The following ACTMAP variants were observed in gnomAD, a reference collection of about 807,000 sequenced individuals.
ACTMAP encodes UPF0692 protein C19orf54.
the ACTMAP span, chr19:40,749,570 G>A: frequency 1.3e-6 from 2 of 1,551,352 alleles, no homozygotes; most frequent in South Asian, 2.4e-5. Flanking sequence ...TCAGGAGCTG[G>A]CTCTTCTCCA....
chr19:40,744,506 C>G, the ACTMAP span: 1 of 1,603,368 alleles, frequency 6.2e-7, no homozygotes, highest in East Asian at 2.2e-5. Context: ...CACCCAGCCT[C>G]TCTGGTCCCA....
the ACTMAP span, chr19:40,742,753 G>A: frequency 2.1e-5 from 34 of 1,608,490 alleles, no homozygotes; most frequent in South Asian, 3.3e-4. Flanking sequence ...GGCACAGCCC[G>A]AACACCCAGC....
At chr19:40,744,124 C>T in the ACTMAP span, 75 of 1,613,022 alleles carry the variant, frequency 4.6e-5, no homozygotes, top group Non-Finnish European at 6.3e-5. Context: ...TCTGTTGGGA[C>T]CGCCCAGGCC....
the ACTMAP span, chr19:40,744,603 AC>A: frequency 6.2e-7 from 1 of 1,613,770 alleles, no homozygotes; most frequent in Non-Finnish European, 8.5e-7. Context: ...TTCCGTGGCC[AC>A]CCGTATGAGT....
the ACTMAP span, chr19:40,742,913 G>T: frequency 1.2e-6 from 1 of 834,112 alleles, no homozygotes; most frequent in Non-Finnish European, 1.8e-6. Context: ...GGTGGCCAGT[G>T]GGTTGGGATT....
At chr19:40,745,830 G>A in the ACTMAP span, among the ~76,000 whole-genome samples, 3 of 152,022 alleles carry the variant, frequency 2.0e-5, no homozygotes, top group African/African-American at 4.8e-5. Context: ...GCGCCACCAC[G>A]CCCAGCTAAT....
the ACTMAP span, chr19:40,749,408 C>CA: frequency 7.1e-7 from 1 of 1,409,238 alleles, no homozygotes; most frequent in South Asian, 1.3e-5. Flanking sequence ...ACGGGAACCC[C>CA]CCCCCCACCC....
chr19:40,745,272 T>C, the ACTMAP span: 1 of 1,459,610 alleles, frequency 6.9e-7, no homozygotes, highest in South Asian at 1.2e-5. Context: ...TGGCTGGGAG[T>C]GGTCGTATCC....
chr19:40,742,785 A>G, the ACTMAP span: 3 of 1,595,394 alleles, frequency 1.9e-6, no homozygotes, highest in South Asian at 1.1e-5. Flanking sequence ...GGGAGAGGAG[A>G]AGGTGGTGAG....
chr19:40,742,584 T>TA, the ACTMAP span: 1 of 1,608,868 alleles, frequency 6.2e-7, no homozygotes, highest in Non-Finnish European at 8.5e-7. Flanking sequence ...GACCTGGTCG[T>TA]AGTCCCACAG....
chr19:40,744,781 C>T, the ACTMAP span: 1 of 1,450,582 alleles, frequency 6.9e-7, no homozygotes, highest in Non-Finnish European at 9.1e-7. Flanking sequence ...GAGGAGTCCC[C>T]CTCCCCTCTC....
At chr19:40,741,618 G>A in the ACTMAP span, 19 of 409,740 alleles carry the variant, frequency 4.6e-5, no homozygotes, top group Admixed American at 1.3e-4. Context: ...AGGAAAGTTT[G>A]TGGTCAGCAC....
At chr19:40,749,052 G>T in the ACTMAP span, among the ~76,000 whole-genome samples, 2 of 148,476 alleles carry the variant, frequency 1.3e-5, no homozygotes, top group East Asian at 4.0e-4. Flanking sequence ...GTGCAGTGGC[G>T]CAATTTTGGC....
the ACTMAP span, chr19:40,742,172 A>G: frequency 1.5e-6 from 1 of 652,716 alleles, no homozygotes; most frequent in Admixed American, 2.1e-5. Context: ...ATGTCTAGTG[A>G]GATGACAGAG....
At chr19:40,750,272 C>T in the ACTMAP span, 1 of 152,856 alleles carries the variant, frequency 6.5e-6, no homozygotes, top group African/African-American at 2.4e-5. Flanking sequence ...GAGTTCGGAA[C>T]CTTTGAGCTG....
the ACTMAP span, among the ~76,000 whole-genome samples, chr19:40,748,929 T>C: frequency 6.6e-6 from 1 of 151,522 alleles, no homozygotes; most frequent in Non-Finnish European, 1.5e-5. Context: ...CTCTGGGTTG[T>C]CACTGTCTGG....
At chr19:40,742,214 A>T in the ACTMAP span, 1 of 700,342 alleles carries the variant, frequency 1.4e-6, no homozygotes, top group Admixed American at 2.0e-5. Flanking sequence ...ACGATGCGAC[A>T]TTCAGATGGA....
At chr19:40,744,730 T>G in the ACTMAP span, 1 of 1,553,524 alleles carries the variant, frequency 6.4e-7, no homozygotes, top group Non-Finnish European at 8.7e-7. Flanking sequence ...CACAGCCCCC[T>G]TACCTGGAAG....
the ACTMAP span, among the ~76,000 whole-genome samples, chr19:40,743,693 C>T: frequency 6.6e-6 from 1 of 152,178 alleles, no homozygotes; most frequent in South Asian, 2.1e-4. Flanking sequence ...AGGCCTGGAG[C>T]CCAGACGGTC....
Sources: allele counts gnomAD v4.1 joint callset (sites outside exome capture counted in the v4.1 genomes callset), GRCh38; gene constraint gnomAD v4.1.1; transcripts MANE v1.5; gene names NCBI Gene and HGNC (gene_info 2026-07-23, HGNC 2026-07-21).